KIRREL3: variants seen among roughly 807,000 people sequenced by gnomAD.
KIRREL3 encodes kirre like nephrin family adhesion molecule 3.
A neutral mutation model predicts 89.7 loss-of-function variants in KIRREL3; 36 were observed. The observed-to-expected ratio is 0.40, with a 90% CI of 0.31 to 0.53. The LOEUF is 0.53. Among genes scored for constraint, KIRREL3 ranks in the 20% least tolerant of loss-of-function variants. KIRREL3 has a pLI of 0.49. For synonymous variants in KIRREL3, 445 were observed against 441.4 expected (o/e 1.01, Z -0.10); for missense variants, 864 against 1,056.6 (o/e 0.82, Z 2.53).
rs946341586 is a variant in KIRREL3, at chr11:126,867,174, C to T, written c.55+133281G>A. On this transcript the variant is annotated intron_variant, in intron 1 of 16. Transcript: ENST00000525144. The surrounding 1 kb of genome is among the most constrained non-coding windows in gnomAD (Gnocchi z 4.7). ...ACGTTCCCCACAATCTGCCTGTCTG[C>T]CTGCTCCCCCCAGGGGTTTGAGCAG... Among the ~76,000 whole-genome samples, 27 of 152,370 alleles carry T rather than the reference C, an allele frequency of 1.8e-4. No individual in the cohort carries two copies. Among genetic ancestry groups the T allele is most frequent in the African/African-American group, 6.0e-4 (25 of 41,588 alleles).
chr11:126,647,855 A>G lies in KIRREL3; in HGVS notation c.56-84943T>C, dbSNP rs118122662. Among the ~76,000 whole-genome samples, 1,185 of 152,260 alleles carry G rather than the reference A, an allele frequency of 7.8e-3. 4 individuals carry two copies. Among genetic ancestry groups the G allele is most frequent in the Admixed American group, 0.011 (162 of 15,292 alleles). Reference sequence around the variant, plus strand: ...TCCATCTCACTGAGAATGAAAGCCAACACCCTCTCCATGACTCATGGTGCT... The same window carrying G: ...TCCATCTCACTGAGAATGAAAGCCAGCACCCTCTCCATGACTCATGGTGCT... On this transcript the variant is annotated intron_variant, in intron 1 of 16. Coordinates refer to ENST00000525144, the MANE Select transcript of KIRREL3 (RefSeq NM_032531.4). The surrounding 1 kb of genome is among the most constrained non-coding windows in gnomAD (Gnocchi z 4.9).
At chr11:126,730,853 C>T (rs1279539292) in intron 1 of KIRREL3, among the ~76,000 whole-genome samples, 3 of 152,184 alleles carry the variant, frequency 2.0e-5, no homozygotes, top group Non-Finnish European at 4.4e-5. Flanking sequence ...ATTCTCCTGC[C>T]TCAGCCTCCC....
intron 11 of KIRREL3, among the ~76,000 whole-genome samples, chr11:126,437,394 C>T (rs550607023): frequency 5.3e-5 from 8 of 152,306 alleles, no homozygotes; most frequent in Non-Finnish European, 8.8e-5. Context: ...AGTGTGCACC[C>T]ACTATAACAC....
chr11:126,493,743 G>A (rs1273613845), intron 4 of KIRREL3, among the ~76,000 whole-genome samples: 2 of 149,514 alleles, frequency 1.3e-5, no homozygotes, highest in East Asian at 4.0e-4. Flanking sequence ...CTCACCCACA[G>A]CAGCCTGCAT....
intron 7 of KIRREL3, among the ~76,000 whole-genome samples, chr11:126,452,504 G>A (rs906523920): frequency 6.6e-6 from 1 of 152,214 alleles, no homozygotes; most frequent in Non-Finnish European, 1.5e-5. Flanking sequence ...TGTGGGTGCC[G>A]GGCTGGGGCT....
At position 126,901,442 on chromosome 11, in the gene KIRREL3, C is replaced by T. The variant is rs908528299; in HGVS notation, c.55+99013G>A. Among the ~76,000 whole-genome samples, 6 of 152,166 alleles carry T rather than the reference C, an allele frequency of 3.9e-5. No individual in the cohort carries two copies. The East Asian group carries it at 1.2e-3, about 29-fold the overall frequency. On this transcript the variant is annotated intron_variant, in intron 1 of 16. Transcript: ENST00000525144. ...ATAGTTAGTTGCTAGTCTGGAAAAT[C>T]TGCAGAGTCTCAGCAAATCCAGCTC...
rs1443700764 is a variant in KIRREL3, at chr11:126,989,270, A to G, written c.55+11185T>C. Among the ~76,000 whole-genome samples, 2 of 152,216 alleles carry G rather than the reference A, an allele frequency of 1.3e-5. No homozygotes were observed. The highest frequency in any genetic ancestry group is 4.8e-5 in the African/African-American group (2 of 41,448). Reference sequence around the variant, plus strand: ...GGAATTTGCTAGTAGAACTATCAGTAAAATGAAGACAGCAATCCTGCCTTC... The same window carrying G: ...GGAATTTGCTAGTAGAACTATCAGTGAAATGAAGACAGCAATCCTGCCTTC... On this transcript the variant is annotated intron_variant, in intron 1 of 16. Coordinates refer to ENST00000525144, the MANE Select transcript of KIRREL3 (RefSeq NM_032531.4). This position sits in a 1 kb window ranked among gnomAD's most constrained non-coding sequence, Gnocchi z 6.2.
rs1273619871 is a variant in KIRREL3 at position 126,639,310 on chromosome 11, CT to C, written c.56-76399del. 6.6e-6 allele frequency among the ~76,000 whole-genome samples: 1 copy of C among 152,200 alleles called. No individual in the cohort carries two copies. Among genetic ancestry groups the C allele is most frequent in the African/African-American group, 2.4e-5 (1 of 41,466 alleles). On this transcript the variant is annotated intron_variant, in intron 1 of 16. Transcript: ENST00000525144. The surrounding 1 kb of genome is among the most constrained non-coding windows in gnomAD (Gnocchi z 4.3). ...CTGTCTCCAATGAAGATCTAGGCAGCTATTTGTATTTCTGTTTGGATTTTTG... is the reference window on the plus strand; with the variant it reads ...CTGTCTCCAATGAAGATCTAGGCAGCATTTGTATTTCTGTTTGGATTTTTG...
chr11:126,448,458 A>G (rs906374558), intron 8 of KIRREL3, among the ~76,000 whole-genome samples: 9 of 152,138 alleles, frequency 5.9e-5, no homozygotes, highest in African/African-American at 1.7e-4. Flanking sequence ...TCAGATGATG[A>G]GAATAAATAT....
rs1950178936 is a variant in KIRREL3, at chr11:126,776,710, C to T, written c.56-213798G>A. On this transcript the variant is annotated intron_variant, in intron 1 of 16. Transcript: ENST00000525144. The surrounding 1 kb of genome is among the most constrained non-coding windows in gnomAD (Gnocchi z 4.7). ...AAACCTTGTGGTAATCCAAAGAGAACAGAGGGAATGCTTATGGAACACCAA... is the reference window on the plus strand; with the variant it reads ...AAACCTTGTGGTAATCCAAAGAGAATAGAGGGAATGCTTATGGAACACCAA... 6.6e-6 allele frequency among the ~76,000 whole-genome samples: 1 copy of T among 152,182 alleles called. No individual in the cohort carries two copies. Among genetic ancestry groups the T allele is most frequent in the Non-Finnish European group, 1.5e-5 (1 of 68,034 alleles).
At chr11:126,450,856 T>G (rs1956055491) in intron 7 of KIRREL3, among the ~76,000 whole-genome samples, 1 of 151,640 alleles carries the variant, frequency 6.6e-6, no homozygotes, top group Non-Finnish European at 1.5e-5. Context: ...TGTGAGCATG[T>G]GCACGTGTGT....
rs1470998534 is a variant in KIRREL3 at position 126,724,223 on chromosome 11, GAGA to G, written c.56-161314_56-161312del. On this transcript the variant is annotated intron_variant, in intron 1 of 16. Transcript: ENST00000525144. This position sits in a 1 kb window ranked among gnomAD's most constrained non-coding sequence, Gnocchi z 4.3. ...GGCAGGTTGCTTCTGCCACGGCAAGGAGAAGATCACTTTCTGTGTAAGATTTCT... is the reference window on the plus strand; with the variant it reads ...GGCAGGTTGCTTCTGCCACGGCAAGGAGATCACTTTCTGTGTAAGATTTCT... Among the ~76,000 whole-genome samples, 9 of 152,244 alleles carry G rather than the reference GAGA, an allele frequency of 5.9e-5. No individual in the cohort carries two copies. The highest frequency in any genetic ancestry group is 1.2e-4 in the Non-Finnish European group (8 of 68,018).
intron 1 of KIRREL3, among the ~76,000 whole-genome samples, chr11:126,616,121 A>C (rs1247673489): frequency 6.6e-6 from 1 of 152,182 alleles, no homozygotes; most frequent in African/African-American, 2.4e-5. Context: ...CAGGTGCTCC[A>C]AGGAAATCTT....
rs1212849025 is a variant in KIRREL3 at position 126,496,889 on chromosome 11, C to T, written c.434-23423G>A. ...GCCAGTTCTCCAGTGCCTCAATGTC[C>T]CGGAATTGCTTCTTGGAGGCCAATG... On this transcript the variant is annotated intron_variant, in intron 4 of 16. Coordinates refer to ENST00000525144, the MANE Select transcript of KIRREL3 (RefSeq NM_032531.4). This position sits in a 1 kb window ranked among gnomAD's most constrained non-coding sequence, Gnocchi z 4.9. 2.0e-5 allele frequency among the ~76,000 whole-genome samples: 3 copies of T among 152,060 alleles called. No individual in the cohort carries two copies. The highest frequency in any genetic ancestry group is 2.9e-5 in the Non-Finnish European group (2 of 68,018).
chr11:126,909,491 CATGGCTCTGAGG>C lies in KIRREL3; in HGVS notation c.55+90952_55+90963del, dbSNP rs1946723775. Among the ~76,000 whole-genome samples the C allele has an allele frequency of 6.6e-6, 1 of 152,222 alleles. No homozygotes were observed. The highest frequency in any genetic ancestry group is 2.4e-5 in the African/African-American group (1 of 41,464). ...ACGTGCTAAGCGCCGACTCTCAGGG[CATGGCTCTGAGG>C]ATGAGAGAGTGCTCTGAGTTGAGAT... is the stretch of plus-strand genomic sequence containing the variant. On this transcript the variant is annotated intron_variant, in intron 1 of 16. Transcript: ENST00000525144. This position sits in a 1 kb window ranked among gnomAD's most constrained non-coding sequence, Gnocchi z 4.5.
rs1011231784 is a variant in KIRREL3, at chr11:126,780,040, A to G, written c.56-217128T>C. Among the ~76,000 whole-genome samples, 2 of 152,114 alleles carry G rather than the reference A, an allele frequency of 1.3e-5. No individual in the cohort carries two copies. The highest frequency in any genetic ancestry group is 4.8e-5 in the African/African-American group (2 of 41,426). On this transcript the variant is annotated intron_variant, in intron 1 of 16. Transcript: ENST00000525144. This position sits in a 1 kb window ranked among gnomAD's most constrained non-coding sequence, Gnocchi z 5.3. Reference sequence around the variant, plus strand: ...GCTTCAACAGGGAGCCCCACGCTGTATCTGGAAGGGAGGACTGAACTTCAG... The same window carrying G: ...GCTTCAACAGGGAGCCCCACGCTGTGTCTGGAAGGGAGGACTGAACTTCAG...
In KIRREL3 at chr11:126,607,919, G is replaced by A. The variant is rs1376206188; in HGVS notation, c.56-45007C>T. Among the ~76,000 whole-genome samples, 5 of 152,164 alleles carry A rather than the reference G, an allele frequency of 3.3e-5. No homozygotes were observed. The highest frequency in any genetic ancestry group is 9.7e-5 in the African/African-American group (4 of 41,434). ...CTGCAGCTGCAAGTCTGGGGAAAAG[G>A]GATCCACCCAGGCACTAGGGCAACT... On this transcript the variant is annotated intron_variant, in intron 1 of 16. Coordinates refer to ENST00000525144, the MANE Select transcript of KIRREL3 (RefSeq NM_032531.4). The surrounding 1 kb of genome is among the most constrained non-coding windows in gnomAD (Gnocchi z 6.6).
At position 126,555,733 on chromosome 11, in the gene KIRREL3, A is replaced by C. The variant is rs1591730184; in HGVS notation, c.133+7102T>G. ...ACGTGGCACCTTGTAGAACATGCTA[A>C]CAATGTGAGCATTTTTTTTTTTTTT... is the stretch of plus-strand genomic sequence containing the variant. On this transcript the variant is annotated intron_variant, in intron 2 of 16. Coordinates refer to ENST00000525144, the MANE Select transcript of KIRREL3 (RefSeq NM_032531.4). This position sits in a 1 kb window ranked among gnomAD's most constrained non-coding sequence, Gnocchi z 4.2. 7.6e-6 allele frequency among the ~76,000 whole-genome samples: 1 copy of C among 132,264 alleles called. No individual in the cohort carries two copies. The highest frequency in any genetic ancestry group is 2.4e-4 in the East Asian group (1 of 4,210). The allele number at this position is 132,264 out of a possible 152,430, so 86.8% of individuals were successfully genotyped here.
chr11:126,726,408 C>G (rs1274441136), intron 1 of KIRREL3, among the ~76,000 whole-genome samples: 1 of 152,078 alleles, frequency 6.6e-6, no homozygotes, highest in East Asian at 1.9e-4. Context: ...CCCTCTGTTG[C>G]CCAGGCTGGA....
Sources: gnomAD v4.1 joint callset for allele counts (sites outside exome capture counted in the v4.1 genomes callset) on GRCh38, gnomAD v4.1.1 for gene constraint, Gnocchi (gnomAD v3.1) non-coding constraint, MANE v1.5 for transcripts, NCBI Gene and HGNC (gene_info 2026-07-23, HGNC 2026-07-21) for gene names.